The following DACH2 variants were observed in gnomAD, a reference collection of about 807,000 sequenced individuals.
The protein encoded by DACH2 is dachshund family transcription factor 2, also known as dachshund homolog 2.
DACH2 carries 17 observed loss-of-function variants against 35.8 expected under a neutral mutation model. That is an observed-to-expected ratio of 0.48 (90% confidence interval 0.33 to 0.71). The LOEUF (loss-of-function observed/expected upper bound fraction) is 0.71, where lower values mean the gene tolerates loss of function less well. DACH2 is among the 30% of genes least tolerant of loss of function. The pLI is 0.02. For synonymous variants in DACH2, 195 were observed against 177.3 expected (o/e 1.10, Z -0.79); for missense variants, 469 against 472.7 (o/e 0.99, Z 0.07).
At chrX:86,277,815 C>T (rs2033946476) in intron 1 of DACH2, among the ~76,000 whole-genome samples, 1 of 111,855 alleles carries the variant, frequency 8.9e-6, no homozygotes, top group Non-Finnish European at 1.9e-5. Flanking sequence ...GTCCACCATT[C>T]TATAGTCGTT....
intron 7 of DACH2, among the ~76,000 whole-genome samples, chrX:86,767,067 G>C: frequency 8.9e-6 from 1 of 112,140 alleles, no homozygotes; most frequent in Non-Finnish European, 1.9e-5. Context: ...TAAATAATCA[G>C]TTGTCTAATC....
At chrX:86,583,614 A>ATACTTTATT (rs997539820) in intron 3 of DACH2, among the ~76,000 whole-genome samples, 6 of 108,783 alleles carry the variant, frequency 5.5e-5, no homozygotes, top group Non-Finnish European at 9.6e-5. Context: ...TTTTTAAACC[A>ATACTTTATT]TACTTTATTA....
At chrX:86,808,172 A>G (rs1021789567) in intron 7 of DACH2, among the ~76,000 whole-genome samples, 22 of 112,153 alleles carry the variant, frequency 2.0e-4, no homozygotes, top group African/African-American at 7.1e-4. Context: ...CCTTAATGAC[A>G]AGAACTGGGT....
intron 7 of DACH2, among the ~76,000 whole-genome samples, chrX:86,744,859 A>C (rs1380791008): frequency 9.0e-6 from 1 of 111,546 alleles, no homozygotes; most frequent in African/African-American, 3.3e-5. Flanking sequence ...TGTGGTCTTT[A>C]ACAGTCAGTT....
chrX:86,689,535 A>G (rs1374296362), intron 4 of DACH2, among the ~76,000 whole-genome samples: 4 of 110,778 alleles, frequency 3.6e-5, no homozygotes, highest in African/African-American at 1.3e-4. Flanking sequence ...TCATCAAACA[A>G]TGTGCATTTA....
intron 3 of DACH2, among the ~76,000 whole-genome samples, chrX:86,592,768 C>T (rs1293406979): frequency 9.0e-6 from 1 of 111,384 alleles, no homozygotes; most frequent in African/African-American, 3.3e-5. Context: ...CTAGTTATTT[C>T]ATTTTTGGTG....
At chrX:86,226,138 T>C (rs768799702) in intron 1 of DACH2, among the ~76,000 whole-genome samples, 13 of 108,837 alleles carry the variant, frequency 1.2e-4, no homozygotes, top group African/African-American at 4.3e-4. Flanking sequence ...AAGTCAAAAT[T>C]GGTATTTCTT....
intron 1 of DACH2, among the ~76,000 whole-genome samples, chrX:86,302,575 C>T (rs1405757509): frequency 1.8e-5 from 2 of 111,064 alleles, no homozygotes; most frequent in Admixed American, 1.9e-4. Flanking sequence ...CTCTTTGGTA[C>T]CCAAGTCAGA....
intron 2 of DACH2, among the ~76,000 whole-genome samples, chrX:86,483,619 G>T (rs1602570503): frequency 9.0e-6 from 1 of 110,747 alleles, no homozygotes; most frequent in Admixed American, 9.6e-5. Flanking sequence ...ATCCACTTGA[G>T]CCCAGGAGTT....
At chrX:86,769,283 G>T (rs981529402) in intron 7 of DACH2, among the ~76,000 whole-genome samples, 1 of 111,851 alleles carries the variant, frequency 8.9e-6, no homozygotes, top group African/African-American at 3.2e-5. Context: ...GAGAGAAATC[G>T]TGGATGACAC....
chrX:86,296,532 A>G (rs927188336), intron 1 of DACH2, among the ~76,000 whole-genome samples: 2 of 111,662 alleles, frequency 1.8e-5, no homozygotes, highest in African/African-American at 6.5e-5. Context: ...TTGCCTATAA[A>G]TGAAAGAATT....
intron 3 of DACH2, among the ~76,000 whole-genome samples, chrX:86,544,167 A>G (rs1391725267): frequency 9.0e-6 from 1 of 111,235 alleles, no homozygotes; most frequent in Non-Finnish European, 1.9e-5. Context: ...GACCAAATGT[A>G]TGACTCATTG....
intron 1 of DACH2, among the ~76,000 whole-genome samples, chrX:86,180,315 T>C (rs1429072870): frequency 1.9e-5 from 2 of 104,350 alleles, no homozygotes; most frequent in African/African-American, 7.0e-5. Context: ...TTTTTTCTTA[T>C]GGGTACATTT....
At chrX:86,695,257 A>T (rs773622527) in intron 5 of DACH2, 78 bp downstream of exon 5, 143 of 818,366 alleles carry the variant, frequency 1.7e-4, no homozygotes, top group Non-Finnish European at 2.1e-4. Flanking sequence ...TTTGGCTGGC[A>T]GGGCTTAGTC....
At chrX:86,773,417 A>G (rs1448342394) in intron 7 of DACH2, among the ~76,000 whole-genome samples, 1 of 111,970 alleles carries the variant, frequency 8.9e-6, no homozygotes, top group Non-Finnish European at 1.9e-5. Context: ...GACAGAATGA[A>G]GTGTTGAAGA....
intron 2 of DACH2, among the ~76,000 whole-genome samples, chrX:86,388,938 C>G (rs1307113328): frequency 9.0e-6 from 1 of 111,352 alleles, no homozygotes; most frequent in Non-Finnish European, 1.9e-5. Flanking sequence ...CCATCTGTAT[C>G]TCTCTTGCTC....
intron 5 of DACH2, among the ~76,000 whole-genome samples, chrX:86,705,029 T>TACATATATATATATATCTCAC (rs2041196008): frequency 6.0e-5 from 5 of 83,685 alleles, no homozygotes; most frequent in Non-Finnish European, 6.5e-5. Context: ...CAGAAATTGT[T>TACATATATATATATATCTCAC]ATATATATAT....
intron 7 of DACH2, among the ~76,000 whole-genome samples, chrX:86,801,773 T>C (rs1241834636): frequency 2.7e-5 from 3 of 112,381 alleles, no homozygotes; most frequent in Non-Finnish European, 3.8e-5. Flanking sequence ...TCCTCTGAAA[T>C]ATCTTCTTTA....
At chrX:86,598,203 T>C (rs946462690) in intron 3 of DACH2, among the ~76,000 whole-genome samples, 2 of 112,104 alleles carry the variant, frequency 1.8e-5, no homozygotes, top group African/African-American at 6.5e-5. Context: ...CATGTATGTT[T>C]GTAATTATTA....
Sources: gnomAD v4.1 joint callset for allele counts (sites outside exome capture counted in the v4.1 genomes callset) on GRCh38, gnomAD v4.1.1 for gene constraint, MANE v1.5 for transcripts, NCBI Gene and HGNC (gene_info 2026-07-23, HGNC 2026-07-21) for gene names.